Variants in TSR2 observed in about 807,000 individuals in gnomAD.
The protein encoded by TSR2 is pre-rRNA-processing protein TSR2 homolog.
In TSR2, 1 loss-of-function variant was observed where a neutral mutation model predicts 13.3. The ratio of observed to expected loss-of-function variants is 0.08; its 90% confidence interval spans 0.03 to 0.36. The LOEUF (loss-of-function observed/expected upper bound fraction) is 0.36. TSR2 is among the 10% of genes least tolerant of loss of function. TSR2 has a pLI of 0.99. For synonymous variants in TSR2, 60 were observed against 57.7 expected (o/e 1.04, Z -0.18); for missense variants, 120 against 151.1 (o/e 0.79, Z 1.08).
chrX:54,446,347 C>T lies in TSR2; in HGVS notation c.*1797C>T, dbSNP rs1231705653. ...CTTGAAGACATGCCTTCTGTCAGGC[C>T]GCTCCCCTGCCTCGGGCGGTCCCAC... On this transcript the variant is annotated 3_prime_UTR_variant, in exon 5 of 5. Transcript: ENST00000375151. 4.1e-6 allele frequency: 5 copies of T among 1,210,791 alleles called. No individual in the cohort carries two copies. The highest frequency in any genetic ancestry group is 2.2e-5 in the Admixed American group (1 of 45,994).
Position 54,444,532 on chromosome X carries a change from T to C in TSR2, c.558T>C (p.Ile186=). The C allele has an allele frequency of 8.3e-7, 1 of 1,210,117 alleles. No individual in the cohort carries two copies. The highest frequency in any genetic ancestry group is 3.0e-5 in the East Asian group (1 of 33,790). ...EEDIVEDGWT[I]VRRKK ...ATATAGTGGAAGATGGCTGGACCATTGTCCGGAGAAAAAAATGAGTGGGGA... is the reference window on the plus strand; with the variant it reads ...ATATAGTGGAAGATGGCTGGACCATCGTCCGGAGAAAAAAATGAGTGGGGA... The change falls in exon 5 of 5, where the codon ATT becomes ATC. Residue 186 remains isoleucine, a synonymous_variant. Transcript: ENST00000375151.
rs374477044 is a variant in TSR2, at chrX:54,447,700, G to A, written c.*3150G>A. Among the ~76,000 whole-genome samples, 1 of 112,447 alleles carries A rather than the reference G, an allele frequency of 8.9e-6. No individual in the cohort carries two copies. The highest frequency in any genetic ancestry group is 1.9e-5 in the Non-Finnish European group (1 of 53,319). ...CTACAGGCCAGTGGAAGGAGTGTGC[G>A]GATCTCAGGCATTCTTTCTTCAGTC... On this transcript the variant is annotated 3_prime_UTR_variant, in exon 5 of 5. Transcript: ENST00000375151.
At chrX:54,440,566 G>T in intron 1 of TSR2, 64 bp downstream of exon 1, 1 of 1,131,674 alleles carries the variant, frequency 8.8e-7, no homozygotes, top group Non-Finnish European at 1.2e-6. Flanking sequence ...GGAGTTGGTT[G>T]GGCTAGGTGC....
Position 54,446,553 on chromosome X carries a change from C to T in TSR2, c.*2003C>T. The T allele has an allele frequency of 1.8e-6, 1 of 542,165 alleles. No individual in the cohort carries two copies. Among genetic ancestry groups the T allele is most frequent in the Non-Finnish European group, 3.0e-6 (1 of 337,469 alleles). The allele number at this position is 542,165 out of a possible 1,213,427, so 44.7% of individuals were successfully genotyped here. ...CCTACTCAGGAACCTTCCGTGGCTC[C>T]AGTGTTATCAACAGGAACATGTCAG... is the stretch of plus-strand genomic sequence containing the variant. On this transcript the variant is annotated 3_prime_UTR_variant, in exon 5 of 5. Transcript: ENST00000375151.
In TSR2 at chrX:54,444,124, T is replaced by G. The variant is rs1165824380; in HGVS notation, c.381T>G (p.Leu127=). The G allele has an allele frequency of 1.7e-6, 2 of 1,211,501 alleles. No individual in the cohort carries two copies. The highest frequency in any genetic ancestry group is 4.3e-5 in the Admixed American group (2 of 45,987). Reference sequence around the variant, plus strand: ...AATGCAAGGTCACAGCCACTGCACTTAAGACAGCTAGAGAGACTGATGAGG... The same window carrying G: ...AATGCAAGGTCACAGCCACTGCACTGAAGACAGCTAGAGAGACTGATGAGG... The part of the protein sequence containing the change: ...QRKCKVTATA[L]KTARETDEDE... The change falls in exon 4 of 5, where the codon CTT becomes CTG. Residue 127 remains leucine (L), a synonymous_variant. Transcript: ENST00000375151.
In TSR2 at chrX:54,446,875, C is replaced by CA. The variant is rs1412948594; in HGVS notation, c.*2326dup. Reference sequence around the variant, plus strand: ...AGTAGCTGGGACTACAGGCACACGTCACCACGCCAGGCTAATTTTTGTATT... The same window carrying CA: ...AGTAGCTGGGACTACAGGCACACGTCAACCACGCCAGGCTAATTTTTGTATT... On this transcript the variant is annotated 3_prime_UTR_variant, in exon 5 of 5. Transcript: ENST00000375151. Among the ~76,000 whole-genome samples the CA allele has an allele frequency of 9.1e-6, 1 of 109,687 alleles. No individual in the cohort carries two copies. The highest frequency in any genetic ancestry group is 2.9e-4 in the East Asian group (1 of 3,493).
rs1263335099 is a variant in TSR2, at chrX:54,444,038, C to T, written c.295C>T (p.His99Tyr). 8.3e-7 allele frequency: 1 copy of T among 1,210,771 alleles called. No homozygotes were observed. The highest frequency in any genetic ancestry group is 1.8e-5 in the South Asian group (1 of 56,634). Reference sequence around the variant, plus strand: ...CCAGCAACTGCAGACCATGTTCCACCACTTCCAGAGGGGTGATGGGGCTGC... The same window carrying T: ...CCAGCAACTGCAGACCATGTTCCACTACTTCCAGAGGGGTGATGGGGCTGC... ...VSQQLQTMFH[H>Y]FQRGDGAALR... Residue 99 changes from histidine to tyrosine, a missense_variant, in exon 4 of 5, where the codon CAC becomes TAC. By Grantham distance (83) the His-to-Tyr change is moderately conservative. Transcript: ENST00000375151.
chrX:54,446,016 A>G lies in TSR2; in HGVS notation c.*1466A>G. The G allele has an allele frequency of 1.5e-6, 1 of 671,752 alleles. No individual in the cohort carries two copies. Among genetic ancestry groups the G allele is most frequent in the Non-Finnish European group, 2.2e-6 (1 of 444,552 alleles). The allele number at this position is 671,752 out of a possible 1,213,427, so 55.4% of individuals were successfully genotyped here. ...AAGTGCCCGTGATGGGAGTTCAAGT[A>G]TTGACTGAGCTGGGAGGGAAGGGGC... On this transcript the variant is annotated 3_prime_UTR_variant, in exon 5 of 5. Coordinates refer to ENST00000375151, the MANE Select transcript of TSR2 (RefSeq NM_058163.3).
chrX:54,447,301 G>A lies in TSR2; in HGVS notation c.*2751G>A, dbSNP rs754041248. 32 of 1,210,176 alleles carry A rather than the reference G, an allele frequency of 2.6e-5. No individual in the cohort carries two copies. In the South Asian group the frequency reaches 5.6e-4, roughly 21 times the overall value. On this transcript the variant is annotated 3_prime_UTR_variant, in exon 5 of 5. Transcript: ENST00000375151. Reference sequence around the variant, plus strand: ...GTGGCTGAAAGGACCCGAAGGAGTAGGATGCATACCTGAGGGGCTCCGTAG... The same window carrying A: ...GTGGCTGAAAGGACCCGAAGGAGTAAGATGCATACCTGAGGGGCTCCGTAG...
intron 3 of TSR2, 99 bp downstream of exon 3, chrX:54,443,590 G>A (rs1922008683): frequency 1.7e-6 from 1 of 600,927 alleles, no homozygotes; most frequent in Non-Finnish European, 2.6e-6. Context: ...TGACTCTGTT[G>A]CCTAGAGGAA....
chrX:54,447,249 G>A lies in TSR2; in HGVS notation c.*2699G>A. 1.6e-5 allele frequency: 19 copies of A among 1,158,481 alleles called. No homozygotes were observed. The highest frequency in any genetic ancestry group is 2.1e-5 in the Non-Finnish European group (18 of 847,691). ...CCTTATCTTCCAAGGCCAAGGAGAG[G>A]TCAAGGACTGGATCTGGCTTTGCCA... On this transcript the variant is annotated 3_prime_UTR_variant, in exon 5 of 5. Coordinates refer to ENST00000375151, the MANE Select transcript of TSR2 (RefSeq NM_058163.3).
Position 54,446,129 on chromosome X carries a change from G to C in TSR2, c.*1579G>C. ...ACCCTCTAGGTCTTGTCTCGGGTCT[G>C]GGGGGATTCGGGGGGTTCAGCAGTG... On this transcript the variant is annotated 3_prime_UTR_variant, in exon 5 of 5. Transcript: ENST00000375151. 3 of 1,208,582 alleles carry C rather than the reference G, an allele frequency of 2.5e-6. No individual in the cohort carries two copies. The highest frequency in any genetic ancestry group is 3.4e-6 in the Non-Finnish European group (3 of 893,801).
At chrX:54,441,276 A>G (rs1319459026) in intron 2 of TSR2, among the ~76,000 whole-genome samples, 3 of 111,679 alleles carry the variant, frequency 2.7e-5, no homozygotes, top group African/African-American at 9.8e-5. Flanking sequence ...TGGCCTAGCC[A>G]TATTTCAAGT....
In TSR2 at chrX:54,440,518, G is replaced by A. The variant is rs777023343; in HGVS notation, c.81+16G>A. ...GGCCTTGCAGGTCAGTGGGGCCAGG[G>A]CCAGGGCAAGGTCAAGGTTAGGGCC... On this transcript the variant is annotated intron_variant, in intron 1 of 4. Transcript: ENST00000375151. 3 of 1,146,917 alleles carry A rather than the reference G, an allele frequency of 2.6e-6. No homozygotes were observed. The highest frequency in any genetic ancestry group is 3.5e-6 in the Non-Finnish European group (3 of 863,369). The allele number at this position is 1,146,917 out of a possible 1,213,427, so 94.5% of individuals were successfully genotyped here.
In TSR2 at chrX:54,447,439, C is replaced by A. The variant is rs1338280643; in HGVS notation, c.*2889C>A. The stretch of plus-strand genomic sequence containing the variant: ...CTGCAGATGACGCTGTTCTCTGCAG[C>A]CACTGAGGCCTGTTTCTGTGGCCAG... On this transcript the variant is annotated 3_prime_UTR_variant, in exon 5 of 5. Coordinates refer to ENST00000375151, the MANE Select transcript of TSR2 (RefSeq NM_058163.3). 2.1e-5 allele frequency: 25 copies of A among 1,210,431 alleles called. No homozygotes were observed. Among genetic ancestry groups the A allele is most frequent in the Non-Finnish European group, 2.7e-5 (24 of 894,713 alleles).
intron 4 of TSR2, 93 bp from the exon 5 acceptor site, chrX:54,444,321 TCC>T: frequency 8.7e-7 from 1 of 1,148,148 alleles, no homozygotes; most frequent in Non-Finnish European, 1.2e-6. Flanking sequence ...CAGGGAACTT[TCC>T]TAAAGTTACA....
rs192740669 is a variant in TSR2, at chrX:54,445,895, A to G, written c.*1345A>G. On this transcript the variant is annotated 3_prime_UTR_variant, in exon 5 of 5. Coordinates refer to ENST00000375151, the MANE Select transcript of TSR2 (RefSeq NM_058163.3). ...CCACCCTCCCTGGGGACAGGGATTA[A>G]TAAAAATTGACATCACTGTAGGAAT... 2.8e-3 allele frequency: 1,162 copies of G among 414,277 alleles called. 3 individuals are homozygous for G. Among genetic ancestry groups the G allele is most frequent in the Non-Finnish European group, 3.4e-3 (816 of 239,590 alleles). The allele number at this position is 414,277 out of a possible 1,213,427, so 34.1% of individuals were successfully genotyped here. A position where few individuals can be genotyped will look rare whatever the true frequency, so the allele number is the denominator to read the frequency against.
intron 3 of TSR2, 152 bp from the exon 4 acceptor site, chrX:54,443,856 T>C (rs1922019217): frequency 3.8e-6 from 3 of 795,803 alleles, no homozygotes; most frequent in African/African-American, 2.1e-5. Flanking sequence ...GCCCTTCATA[T>C]GTGGTTGCTT....
Position 54,446,215 on chromosome X carries a change from G to GGGCAGAACGTGTCCCCTC in TSR2, c.*1669_*1686dup. ...CCTGTCCTCAGACAGTGTGGGCCCC[G>GGGCAGAACGTGTCCCCTC]GGCAGAACGTGTCCCCTCGGCCCGC... On this transcript the variant is annotated 3_prime_UTR_variant, in exon 5 of 5. Transcript: ENST00000375151. 1 of 1,211,660 alleles carries GGGCAGAACGTGTCCCCTC rather than the reference G, an allele frequency of 8.3e-7. No individual in the cohort carries two copies. The highest frequency in any genetic ancestry group is 1.1e-6 in the Non-Finnish European group (1 of 895,348).
Sources: gnomAD v4.1 joint callset for allele counts (sites outside exome capture counted in the v4.1 genomes callset) on GRCh38, gnomAD v4.1.1 for gene constraint, MANE v1.5 for transcripts, NCBI Gene and HGNC (gene_info 2026-07-23, HGNC 2026-07-21) for gene names.